ISG20: variants seen among roughly 807,000 people sequenced by gnomAD.
The protein encoded by ISG20 is interferon-stimulated gene 20 kDa protein.
In ISG20, 8 loss-of-function variants were observed where a neutral mutation model predicts 11.1. The observed-to-expected ratio is 0.72, with a 90% CI of 0.42 to 1.30. The LOEUF is 1.30. ISG20 is among the 50% of genes most tolerant of loss of function. ISG20 has a pLI of 0.01. For synonymous variants in ISG20, 110 were observed against 101.7 expected (o/e 1.08, Z -0.49); for missense variants, 243 against 250.2 (o/e 0.97, Z 0.19).
intron 2 of ISG20, among the ~76,000 whole-genome samples, chr15:88,641,823 G>A (rs12050581): frequency 0.27 from 40,330 of 151,682 alleles, 6,813 homozygotes; most frequent in East Asian, 0.59. Context: ...GTAGAGATGG[G>A]GTTTTACCAT....
Position 88,639,093 on chromosome 15 carries a change from G to C in ISG20, c.-25+17G>C. ...GGCAGGCAGGTGAGAGCGGGAGCTG[G>C]AGCAGCAGCTGGGGAGGCAGCGGGA... On this transcript the variant is annotated intron_variant, in intron 1 of 3. Coordinates refer to ENST00000306072, the MANE Select transcript of ISG20 (RefSeq NM_002201.6). The surrounding 1 kb of genome is among the most constrained non-coding windows in gnomAD (Gnocchi z 4.2). The C allele has an allele frequency of 3.7e-6, 2 of 543,178 alleles. No individual in the cohort carries two copies. Among genetic ancestry groups the C allele is most frequent in the East Asian group, 3.1e-5 (1 of 32,470 alleles). 33.6% of individuals were successfully genotyped at this position (543,178 alleles called of 1,614,324 possible). A position where few individuals can be genotyped will look rare whatever the true frequency, so the allele number is the denominator to read the frequency against.
Position 88,652,247 on chromosome 15 carries a change from G to A in ISG20, c.366G>A (p.Leu122=). The A allele has an allele frequency of 1.2e-6, 2 of 1,613,974 alleles. No individual in the cohort carries two copies. Among genetic ancestry groups the A allele is most frequent in the Non-Finnish European group, 1.7e-6 (2 of 1,179,946 alleles). The change falls in exon 3 of 4, where the codon CTG becomes CTA. Residue 122 remains leucine (L), a synonymous_variant. Transcript: ENST00000306072. ...TDRLLWREAK[L]DHCRRVSLRV... is the part of the protein sequence containing the mutation. ...GGCTGTTGTGGCGTGAGGCCAAGCT[G>A]GACCACTGCAGGCGTGTCTCCCTGC...
intron 3 of ISG20, among the ~76,000 whole-genome samples, chr15:88,653,141 G>T (rs1247185762): frequency 1.3e-5 from 2 of 152,150 alleles, no homozygotes; most frequent in Non-Finnish European, 2.9e-5. Context: ...CCTGCTCTAG[G>T]CCAGATCCTA....
intron 2 of ISG20, chr15:88,649,832 C>G: frequency 4.5e-6 from 1 of 220,788 alleles, no homozygotes; most frequent in Non-Finnish European, 9.2e-6. Flanking sequence ...TCCTCTAAGT[C>G]GAGCGTGAGC....
upstream of ISG20, among the ~76,000 whole-genome samples, chr15:88,636,894 A>G (rs1331142919): frequency 6.6e-6 from 1 of 152,144 alleles, no homozygotes; most frequent in African/African-American, 2.4e-5. Flanking sequence ...AATGGGAGCA[A>G]TGTGACCCCC....
At chr15:88,636,954 G>T (rs1265367824), upstream of ISG20, among the ~76,000 whole-genome samples, 1 of 152,208 alleles carries the variant, frequency 6.6e-6, no homozygotes, top group Non-Finnish European at 1.5e-5. Flanking sequence ...CAAATGCCTG[G>T]GCCTTGAGAC....
At chr15:88,637,562 G>C (rs2058004458), upstream of ISG20, 1 of 152,300 alleles carries the variant, frequency 6.6e-6, no homozygotes, top group Non-Finnish European at 1.5e-5. Context: ...CACAGGAAAG[G>C]GGAAACGGTA....
chr15:88,655,244 C>T (rs762607649), intron 3 of ISG20, among the ~76,000 whole-genome samples, 171 bp from the exon 4 acceptor site: 6 of 152,234 alleles, frequency 3.9e-5, no homozygotes, highest in Admixed American at 6.5e-5. Context: ...CAGGCCAGCT[C>T]CAGCCACCTG....
chr15:88,639,612 C>G lies in ISG20; in HGVS notation c.228+18C>G. The G allele has an allele frequency of 1.3e-6, 2 of 1,598,674 alleles. No individual in the cohort carries two copies. Among genetic ancestry groups the G allele is most frequent in the Non-Finnish European group, 1.7e-6 (2 of 1,166,360 alleles). On this transcript the variant is annotated intron_variant, in intron 2 of 3. Transcript: ENST00000306072. The surrounding 1 kb of genome is among the most constrained non-coding windows in gnomAD (Gnocchi z 4.2). ...GGCTAGAGGTGAGTGAAGGCCCGGCCAGCAGGGGCTTTGGAAATAACCCCT... is the reference window on the plus strand; with the variant it reads ...GGCTAGAGGTGAGTGAAGGCCCGGCGAGCAGGGGCTTTGGAAATAACCCCT...
chr15:88,643,784 C>A lies in ISG20; in HGVS notation c.228+4190C>A, dbSNP rs2058121963. Among the ~76,000 whole-genome samples, 1 of 152,138 alleles carries A rather than the reference C, an allele frequency of 6.6e-6. No homozygotes were observed. Among genetic ancestry groups the A allele is most frequent in the Admixed American group, 6.5e-5 (1 of 15,274 alleles). ...TGTTCTAGAAGTACAGATTGAGTAG[C>A]CCTTATCTGAAATGCTGGGGACCAG... On this transcript the variant is annotated intron_variant, in intron 2 of 3. Transcript: ENST00000306072. The surrounding 1 kb of genome is among the most constrained non-coding windows in gnomAD (Gnocchi z 4.4).
chr15:88,637,693 T>C (rs2058007776), upstream of ISG20, among the ~76,000 whole-genome samples: 1 of 151,952 alleles, frequency 6.6e-6, no homozygotes, highest in African/African-American at 2.4e-5. Flanking sequence ...GTATGAGGGG[T>C]TGCAGCAAAC....
intron 3 of ISG20, 25 bp downstream of exon 3, chr15:88,652,335 T>A (rs781619602): frequency 6.8e-7 from 1 of 1,469,990 alleles, no homozygotes; most frequent in South Asian, 1.2e-5. Flanking sequence ...GTCCTTCTCC[T>A]CCTCCCCCCT....
chr15:88,651,694 G>A (rs1177965368), intron 2 of ISG20: 1 of 749,440 alleles, frequency 1.3e-6, no homozygotes, highest in East Asian at 1.1e-4. Context: ...ATTCCTCTTT[G>A]CCAGGTAATG....
At chr15:88,655,237 G>A (rs116746775) in intron 3 of ISG20, among the ~76,000 whole-genome samples, 178 bp from the exon 4 acceptor site, 1 of 152,254 alleles carries the variant, frequency 6.6e-6, no homozygotes, top group Non-Finnish European at 1.5e-5. Context: ...CTGAAGGCAG[G>A]CCAGCTCCAG....
chr15:88,652,837 C>T (rs1433410413), intron 3 of ISG20, among the ~76,000 whole-genome samples: 1 of 151,258 alleles, frequency 6.6e-6, no homozygotes, highest in Non-Finnish European at 1.5e-5. Flanking sequence ...CACCATAGAA[C>T]TCTGGGCAAT....
In ISG20 at chr15:88,655,653, A is replaced by C. The variant is rs1473511176; in HGVS notation, c.*122A>C. ...GGCTCTATATTTTCTCTACGCCATC[A>C]CTGGGTCCTCTTCTTATTCTTCTCT... On this transcript the variant is annotated 3_prime_UTR_variant, in exon 4 of 4. Transcript: ENST00000306072. 6.3e-6 allele frequency: 4 copies of C among 637,050 alleles called. No homozygotes were observed. In the East Asian group the frequency reaches 1.1e-4, roughly 18 times the overall value. 39.5% of individuals were successfully genotyped at this position (637,050 alleles called of 1,614,324 possible).
intron 3 of ISG20, among the ~76,000 whole-genome samples, chr15:88,654,575 C>A (rs113375449): frequency 1.3e-5 from 2 of 152,022 alleles, no homozygotes; most frequent in African/African-American, 4.8e-5. Flanking sequence ...CAGGGCTGAG[C>A]GGGGCATGCG....
In ISG20 at chr15:88,655,590, T is replaced by C; in HGVS notation, c.*59T>C. ...GCTTTCGGCTTTTTGGGACAGCAAC[T>C]ACCTTGCTTTTGGAAAATACATTTT... is the stretch of plus-strand genomic sequence containing the variant. On this transcript the variant is annotated 3_prime_UTR_variant, in exon 4 of 4. Coordinates refer to ENST00000306072, the MANE Select transcript of ISG20 (RefSeq NM_002201.6). 1 of 1,234,500 alleles carries C rather than the reference T, an allele frequency of 8.1e-7. No homozygotes were observed. The highest frequency in any genetic ancestry group is 2.3e-5 in the East Asian group (1 of 42,772). The allele number at this position is 1,234,500 out of a possible 1,614,324, so 76.5% of individuals were successfully genotyped here. A position where few individuals can be genotyped will look rare whatever the true frequency, so the allele number is the denominator to read the frequency against.
upstream of ISG20, chr15:88,636,091 C>T (rs2057980340): frequency 6.6e-6 from 1 of 152,272 alleles, no homozygotes; most frequent in Admixed American, 6.5e-5. Flanking sequence ...TGTGAGTTGT[C>T]TCAGCCTGAG....
Sources: gnomAD v4.1 joint callset for allele counts (sites outside exome capture counted in the v4.1 genomes callset) on GRCh38, gnomAD v4.1.1 for gene constraint, Gnocchi (gnomAD v3.1) non-coding constraint, MANE v1.5 for transcripts, NCBI Gene and HGNC (gene_info 2026-07-23, HGNC 2026-07-21) for gene names.